Variants in LRP1B observed in about 807,000 individuals in gnomAD.
LRP1B encodes low-density lipoprotein receptor-related protein 1B.
Under a neutral mutation model 556.6 loss-of-function variants are expected in LRP1B, and 217 were observed. The observed-to-expected ratio is 0.39, with a 90% CI of 0.35 to 0.44. The LOEUF is 0.44. LRP1B is among the 20% of genes least tolerant of loss of function. The pLI, the probability that LRP1B is intolerant of heterozygous loss-of-function variation, is 1.00. For missense variants in LRP1B, 5,053 were observed against 5,620.8 expected (o/e 0.90, Z 3.23); for synonymous variants, 2,047 against 1,865.8 (o/e 1.10, Z -2.50).
intron 1 of LRP1B, among the ~76,000 whole-genome samples, chr2:141,965,804 A>G (rs946989592): frequency 6.7e-6 from 1 of 148,996 alleles, no homozygotes; most frequent in African/African-American, 2.4e-5. Flanking sequence ...TATCCAAAAA[A>G]AAAAAAAAAG....
intron 2 of LRP1B, among the ~76,000 whole-genome samples, chr2:141,523,308 G>A (rs189135139): frequency 2.2e-4 from 33 of 152,194 alleles, no homozygotes; most frequent in Non-Finnish European, 4.1e-4. Flanking sequence ...ATAATGCAAA[G>A]TCATTAAGAA....
At chr2:140,640,471 C>A (rs1251311959) in intron 41 of LRP1B, among the ~76,000 whole-genome samples, 1 of 126,236 alleles carries the variant, frequency 7.9e-6, no homozygotes, top group Non-Finnish European at 1.6e-5. Context: ...TCTCGGCTCA[C>A]TGCAAGCTCC....
At chr2:140,714,622 A>G (rs963578234) in intron 37 of LRP1B, among the ~76,000 whole-genome samples, 2 of 152,194 alleles carry the variant, frequency 1.3e-5, no homozygotes, top group African/African-American at 4.8e-5. Context: ...TCTTTATTAG[A>G]AACAAACTAA....
chr2:141,966,356 G>T (rs1701565959), intron 1 of LRP1B, among the ~76,000 whole-genome samples: 3 of 151,774 alleles, frequency 2.0e-5, no homozygotes, highest in African/African-American at 4.8e-5. Flanking sequence ...GGAAAAGGGG[G>T]TTCTCCTCTG....
chr2:141,292,597 AG>A (rs1285838421), intron 3 of LRP1B, among the ~76,000 whole-genome samples: 1 of 152,178 alleles, frequency 6.6e-6, no homozygotes, highest in African/African-American at 2.4e-5. Context: ...TGTTGATGGT[AG>A]GTACCTCTAA....
At chr2:141,838,401 C>A (rs1481733863) in intron 1 of LRP1B, among the ~76,000 whole-genome samples, 1 of 152,130 alleles carries the variant, frequency 6.6e-6, no homozygotes, top group Non-Finnish European at 1.5e-5. Flanking sequence ...CCTGTACTAA[C>A]TTTTGCATCT....
chr2:141,665,359 C>A (rs963664575), intron 2 of LRP1B, among the ~76,000 whole-genome samples: 3 of 152,072 alleles, frequency 2.0e-5, no homozygotes, highest in Non-Finnish European at 4.4e-5. Context: ...TAGAGAAATG[C>A]AAATCAAAAC....
At chr2:141,634,296 A>T (rs1689018795) in intron 2 of LRP1B, among the ~76,000 whole-genome samples, 1 of 152,028 alleles carries the variant, frequency 6.6e-6, no homozygotes, top group African/African-American at 2.4e-5. Flanking sequence ...AATCACAAAT[A>T]TGACCAACAA....
chr2:142,081,737 C>T (rs924841780), intron 1 of LRP1B, among the ~76,000 whole-genome samples: 6 of 152,146 alleles, frequency 3.9e-5, no homozygotes, highest in African/African-American at 1.2e-4. Context: ...CTTCAGCATC[C>T]TGAGTAGGTA....
intron 18 of LRP1B, among the ~76,000 whole-genome samples, chr2:140,959,148 A>C (rs1461001412): frequency 6.6e-6 from 1 of 151,332 alleles, no homozygotes; most frequent in Non-Finnish European, 1.5e-5. Context: ...GTATTAGTAG[A>C]CTGAGTGGAA....
intron 7 of LRP1B, among the ~76,000 whole-genome samples, chr2:141,187,912 A>G (rs1360968967): frequency 6.6e-6 from 1 of 151,968 alleles, no homozygotes; most frequent in African/African-American, 2.4e-5. Flanking sequence ...GGGTTTACAT[A>G]TCAACAGTCA....
intron 14 of LRP1B, among the ~76,000 whole-genome samples, chr2:141,011,415 G>C (rs1031054210): frequency 6.6e-6 from 1 of 151,942 alleles, no homozygotes; most frequent in Non-Finnish European, 1.5e-5. Context: ...TGTAGTAAAA[G>C]ATACTAAAAA....
chr2:141,941,903 C>T (rs1007192935), intron 1 of LRP1B, among the ~76,000 whole-genome samples: 1 of 152,144 alleles, frequency 6.6e-6, no homozygotes, highest in African/African-American at 2.4e-5. Flanking sequence ...AGATTCAGAG[C>T]AAAGACTATT....
chr2:140,661,317 G>A (rs1286942949), intron 41 of LRP1B, among the ~76,000 whole-genome samples: 2 of 151,946 alleles, frequency 1.3e-5, no homozygotes, highest in Admixed American at 6.6e-5. Flanking sequence ...TATAGAGAAT[G>A]GAATTACATT....
In LRP1B at chr2:140,354,139, C is replaced by T. The variant is rs549358076; in HGVS notation, c.11531-1067G>A. Among the ~76,000 whole-genome samples, 5 of 152,186 alleles carry T rather than the reference C, an allele frequency of 3.3e-5. No homozygotes were observed. The East Asian group carries it at 7.8e-4, about 24-fold the overall frequency. ...CTCCTCTACTTTTGTGTTTAGCCAGCATATTTCCCCTGCCTCATTTTATCA... is the reference window on the plus strand; with the variant it reads ...CTCCTCTACTTTTGTGTTTAGCCAGTATATTTCCCCTGCCTCATTTTATCA... On this transcript the variant is annotated intron_variant, in intron 75 of 90. Coordinates refer to ENST00000389484, the MANE Select transcript of LRP1B (RefSeq NM_018557.3).
At chr2:140,681,306 G>A (rs1173254220) in intron 41 of LRP1B, among the ~76,000 whole-genome samples, 4 of 151,498 alleles carry the variant, frequency 2.6e-5, no homozygotes, top group African/African-American at 7.3e-5. Context: ...GAGAAAAGAA[G>A]GAATAAATAA....
intron 7 of LRP1B, among the ~76,000 whole-genome samples, chr2:141,109,697 G>A (rs538686076): frequency 6.6e-6 from 1 of 150,506 alleles, no homozygotes; most frequent in East Asian, 2.0e-4. Flanking sequence ...TGGAGGATAA[G>A]ATCAAAAGAT....
At chr2:140,359,926 C>G (rs998545909) in intron 72 of LRP1B, among the ~76,000 whole-genome samples, 1 of 151,484 alleles carries the variant, frequency 6.6e-6, no homozygotes, top group African/African-American at 2.4e-5. Flanking sequence ...TCTCATTGAC[C>G]ATCAATTCTC....
intron 2 of LRP1B, among the ~76,000 whole-genome samples, chr2:141,749,079 C>T (rs557337431): frequency 6.6e-6 from 1 of 152,188 alleles, no homozygotes; most frequent in African/African-American, 2.4e-5. Flanking sequence ...TAGAAAATAA[C>T]TAATTTTATT....
Sources: gnomAD v4.1 joint callset for allele counts (sites outside exome capture counted in the v4.1 genomes callset) on GRCh38, gnomAD v4.1.1 for gene constraint, MANE v1.5 for transcripts, NCBI Gene and HGNC (gene_info 2026-07-23, HGNC 2026-07-21) for gene names.